Variants in ZNF324B observed in about 807,000 individuals in gnomAD.
ZNF324B encodes the protein zinc finger protein 324B.
In ZNF324B, 7 loss-of-function variants were observed where a neutral mutation model predicts 10.6. The observed-to-expected ratio is 0.66, with a 90% confidence interval of 0.38 to 1.24. The LOEUF is 1.24. ZNF324B is among the 50% of genes most tolerant of loss of function. The probability of loss-of-function intolerance (pLI) is 0.02; values close to 1 mark genes in which losing one functional copy is unlikely to be tolerated. For synonymous variants in ZNF324B, 316 were observed against 321.0 expected, an observed-to-expected ratio of 0.98 and a Z score of 0.17; for missense variants, 640 against 764.7, an observed-to-expected ratio of 0.84 and a Z score of 1.92.
At chr19:58,420,273 G>C in the ZNF324B span, among the ~76,000 whole-genome samples, 115 of 152,176 alleles carry the variant, frequency 7.6e-4, no homozygotes, top group Non-Finnish European at 1.2e-3. Context: ...AAAAAAATTA[G>C]CCCGGCATGG....
the ZNF324B span, chr19:58,436,887 G>T: frequency 1.0e-6 from 1 of 966,268 alleles, no homozygotes; most frequent in Non-Finnish European, 1.7e-6. Context: ...AGAGAGACAG[G>T]GGAAGTACAC....
At chr19:58,420,664 G>T in the ZNF324B span, among the ~76,000 whole-genome samples, 147 of 152,058 alleles carry the variant, frequency 9.7e-4, 2 homozygotes, top group African/African-American at 3.3e-3. Flanking sequence ...GACTCCCAAT[G>T]TGCTGGGGTT....
intron 3 of ZNF324B, chr19:58,454,885 AACAGCCAGTGTGGAGACGTGGGTGGC>A: frequency 1.8e-6 from 1 of 566,606 alleles, no homozygotes. Context: ...GAGGGGGTGG[AACAGCCAGTGTGGAGACGTGGGTGGC>A]ACGCAGCAGC....
the ZNF324B span, chr19:58,435,377 G>A: frequency 1.3e-6 from 1 of 754,600 alleles, no homozygotes; most frequent in Non-Finnish European, 2.1e-6. Flanking sequence ...ACTATTGGCA[G>A]GATAGGGACC....
Position 58,455,366 on chromosome 19 carries a change from T to C in ZNF324B, c.422T>C (p.Val141Ala). The C allele has an allele frequency of 1.9e-6, 3 of 1,614,152 alleles. No individual in the cohort carries two copies. The highest frequency in any genetic ancestry group is 2.5e-6 in the Non-Finnish European group (3 of 1,180,010). Residue 141 changes from valine to alanine, a missense_variant, in exon 4 of 4, where the codon GTG (valine) becomes GCG (alanine). Transcript: ENST00000336614. This position sits in a 1 kb window ranked among gnomAD's most constrained non-coding sequence, Gnocchi z 7.0. ...GAGAGAAAACCCACGGGGGTGTCGG[T>C]GATCTACTGGGAGAGGCTCCTGCTA... ...SQERKPTGVS[V>A]IYWERLLLGS...
At chr19:58,450,183 C>T (rs971130692), upstream of ZNF324B, among the ~76,000 whole-genome samples, 2 of 152,134 alleles carry the variant, frequency 1.3e-5, no homozygotes, top group Admixed American at 6.5e-5. Flanking sequence ...CCATGTAAGA[C>T]GTGCCTTTCA....
the ZNF324B span, chr19:58,429,823 C>T: frequency 6.6e-6 from 1 of 152,196 alleles, no homozygotes; most frequent in Admixed American, 6.5e-5. Flanking sequence ...GTCTGCTTTC[C>T]CTTAGCACAG....
Position 58,455,109 on chromosome 19 carries a change from G to A in ZNF324B, c.239-74G>A. ...TGTCCCGGCTCCTGGGCTCCCCCTT[G>A]CCTGTCCACTCAGCCTGCCCTGGTC... On this transcript the variant is annotated intron_variant, in intron 3 of 3. Coordinates refer to ENST00000336614, the MANE Select transcript of ZNF324B (RefSeq NM_207395.3). The surrounding 1 kb of genome is among the most constrained non-coding windows in gnomAD (Gnocchi z 7.0). 2 of 1,598,880 alleles carry A rather than the reference G, an allele frequency of 1.3e-6. No homozygotes were observed. Among genetic ancestry groups the A allele is most frequent in the African/African-American group, 2.7e-5 (2 of 72,980 alleles).
the ZNF324B span, chr19:58,435,038 G>A: frequency 3.7e-6 from 6 of 1,614,140 alleles, no homozygotes; most frequent in Non-Finnish European, 5.1e-6. Context: ...TCCTCAGACT[G>A]TGTTCCCTGA....
At chr19:58,426,965 A>G in the ZNF324B span, among the ~76,000 whole-genome samples, 1 of 152,210 alleles carries the variant, frequency 6.6e-6, no homozygotes, top group South Asian at 2.1e-4. Flanking sequence ...AGCCATCAGG[A>G]CTTTGCCTGG....
At chr19:58,448,558 A>T (rs1409607998), upstream of ZNF324B, among the ~76,000 whole-genome samples, 1 of 152,120 alleles carries the variant, frequency 6.6e-6, no homozygotes, top group African/African-American at 2.4e-5. Context: ...CCCCGTCTCT[A>T]CTAAAAAAAT....
At chr19:58,423,885 C>T in the ZNF324B span, among the ~76,000 whole-genome samples, 4 of 151,990 alleles carry the variant, frequency 2.6e-5, no homozygotes, top group Non-Finnish European at 4.4e-5. Context: ...CATCTCTCAC[C>T]GTATACAAAA....
At chr19:58,453,566 G>A (rs1194242410) in intron 1 of ZNF324B, 130 bp from the exon 2 acceptor site, 1 of 1,294,188 alleles carries the variant, frequency 7.7e-7, no homozygotes, top group East Asian at 2.3e-5. Context: ...AGTGCCACCT[G>A]AAGATAATCT....
chr19:58,427,438 CCTT>C, the ZNF324B span, among the ~76,000 whole-genome samples: 205 of 31,618 alleles, frequency 6.5e-3, 5 homozygotes, highest in Middle Eastern at 0.013. Context: ...TTCCTTCCTT[CCTT>C]CCTTTCCTTT....
At chr19:58,445,067 G>T in the ZNF324B span, 1 of 246,936 alleles carries the variant, frequency 4.0e-6, no homozygotes. Context: ...TGTCCTGGTG[G>T]CTTCCCTGGT....
At chr19:58,454,670 G>T in intron 3 of ZNF324B, 1 of 560,320 alleles carries the variant, frequency 1.8e-6, no homozygotes, top group Non-Finnish European at 3.2e-6. Flanking sequence ...TTTCCTGAGG[G>T]CTTGTGGGCA....
the ZNF324B span, among the ~76,000 whole-genome samples, chr19:58,428,387 G>T: frequency 3.3e-5 from 5 of 152,114 alleles, no homozygotes; most frequent in Non-Finnish European, 5.9e-5. Flanking sequence ...CTGAATATTT[G>T]GCTCTTCTTG....
chr19:58,447,271 C>A (rs1295688919), upstream of ZNF324B, among the ~76,000 whole-genome samples: 7 of 152,338 alleles, frequency 4.6e-5, no homozygotes, highest in African/African-American at 1.7e-4. Flanking sequence ...AGCCACCATG[C>A]CTGGCCGACA....
chr19:58,437,305 C>T, the ZNF324B span: 1 of 1,405,668 alleles, frequency 7.1e-7, no homozygotes, highest in South Asian at 1.4e-5. Flanking sequence ...ACTAATATCT[C>T]TTTTTCTTAT....
Sources: allele counts gnomAD v4.1 joint callset (sites outside exome capture counted in the v4.1 genomes callset), GRCh38; gene constraint gnomAD v4.1.1; non-coding constraint Gnocchi (gnomAD v3.1); transcripts MANE v1.5; gene names NCBI Gene and HGNC (gene_info 2026-07-23, HGNC 2026-07-21).